USP49: variants seen among roughly 807,000 people sequenced by gnomAD.
The protein encoded by USP49 is ubiquitin carboxyl-terminal hydrolase 49.
Under a neutral mutation model 58.6 loss-of-function variants are expected in USP49, and 24 were observed. The ratio of observed to expected loss-of-function variants is 0.41; its 90% CI spans 0.30 to 0.58. USP49 has a LOEUF of 0.58. Among genes scored for constraint, USP49 ranks in the 20% least tolerant of loss-of-function variants. The pLI, the probability that USP49 is intolerant of heterozygous loss-of-function variation, is 0.30. For missense variants in USP49, 703 were observed against 866.1 expected (o/e 0.81, Z 2.36); for synonymous variants, 408 against 365.1 (o/e 1.12, Z -1.34).
intron 5 of USP49, among the ~76,000 whole-genome samples, chr6:41,802,456 A>ATTTTTTTTTTTT (rs1186521851): frequency 5.7e-5 from 4 of 70,274 alleles, no homozygotes; most frequent in African/African-American, 1.8e-4. Flanking sequence ...TTATTTATTT[A>ATTTTTTTTTTTT]TTTATTTATT....
intron 3 of USP49, among the ~76,000 whole-genome samples, chr6:41,854,651 G>A (rs980023319): frequency 3.9e-5 from 6 of 152,108 alleles, no homozygotes; most frequent in Admixed American, 3.3e-4. Context: ...TGTTAGTTTA[G>A]GTTGGTGTAT....
At chr6:41,824,305 T>TA (rs1326358872) in intron 3 of USP49, among the ~76,000 whole-genome samples, 4 of 152,118 alleles carry the variant, frequency 2.6e-5, no homozygotes, top group African/African-American at 4.8e-5. Flanking sequence ...ACTATCTTTT[T>TA]AAAGCAAATT....
At chr6:41,870,529 C>T (rs1223956241) in intron 3 of USP49, among the ~76,000 whole-genome samples, 1 of 151,676 alleles carries the variant, frequency 6.6e-6, no homozygotes, top group Non-Finnish European at 1.5e-5. Flanking sequence ...AAACCTTTTA[C>T]TGAGCTTTCT....
At chr6:41,841,149 G>T (rs1773820840) in intron 3 of USP49, among the ~76,000 whole-genome samples, 1 of 151,948 alleles carries the variant, frequency 6.6e-6, no homozygotes, top group Admixed American at 6.6e-5. Flanking sequence ...CTCATTGTCT[G>T]TCTCCCAAAC....
chr6:41,799,867 G>A lies in USP49; in HGVS notation c.1633C>T (p.Leu545=), dbSNP rs1443542281. ...AGGTGCAGCCGGAGAACCTGAGGTA[G>A]TCTGTAGATCATTAACTGCTTTCTA... The part of the protein sequence containing the change: ...EARKQLMIYR[L]PQVLRLHLKR... Residue 545 remains leucine (L), a synonymous_variant, in exon 6 of 8, where the codon CTA becomes TTA. Transcript: ENST00000682992. 1.9e-6 allele frequency: 3 copies of A among 1,614,144 alleles called. No individual in the cohort carries two copies. The South Asian group carries it at 3.3e-5, about 18-fold the overall frequency.
At chr6:41,832,894 T>C (rs1217765037) in intron 3 of USP49, 1 of 152,284 alleles carries the variant, frequency 6.6e-6, no homozygotes, top group African/African-American at 2.4e-5. Flanking sequence ...TTATTCCTGC[T>C]GGGTGTCCAA....
rs1561899416 is a variant in USP49, at chr6:41,792,524, T to G, written c.*4009A>C. 1 of 64,584 alleles carries G rather than the reference T, an allele frequency of 1.5e-5. No homozygotes were observed. The highest frequency in any genetic ancestry group is 6.2e-4 in the South Asian group (1 of 1,614). 4.0% of individuals were successfully genotyped at this position (64,584 alleles called of 1,614,324 possible). On this transcript the variant is annotated 3_prime_UTR_variant, in exon 8 of 8. Coordinates refer to ENST00000682992, the MANE Select transcript of USP49 (RefSeq NM_001286554.2). ...GATATAGTATTCATTTAAGAAGGGG[T>G]AGCCCCCCAGCCTGATTTAAAAAGG...
rs1032158111 is a variant in USP49 at position 41,794,404 on chromosome 6, T to C, written c.*2129A>G. Reference sequence around the variant, plus strand: ...AATGTTTATTAATAATTATCCCCACTGGACAGCCTGAGGGGTAAAGTAGAT... The same window carrying C: ...AATGTTTATTAATAATTATCCCCACCGGACAGCCTGAGGGGTAAAGTAGAT... On this transcript the variant is annotated 3_prime_UTR_variant, in exon 8 of 8. Transcript: ENST00000682992. The C allele has an allele frequency of 1.3e-5, 2 of 152,180 alleles. No homozygotes were observed. Among genetic ancestry groups the C allele is most frequent in the Non-Finnish European group, 2.9e-5 (2 of 67,976 alleles). The allele number at this position is 152,180 out of a possible 1,614,324, so 9.4% of individuals were successfully genotyped here. A position where few individuals can be genotyped will look rare whatever the true frequency, so the allele number is the denominator to read the frequency against.
At chr6:41,866,533 A>G (rs1394973416) in intron 3 of USP49, among the ~76,000 whole-genome samples, 1 of 152,224 alleles carries the variant, frequency 6.6e-6, no homozygotes, top group Non-Finnish European at 1.5e-5. Context: ...TACAAACAAC[A>G]TTCTGAGTTT....
intron 3 of USP49, among the ~76,000 whole-genome samples, chr6:41,819,907 T>C (rs1302288407): frequency 2.6e-5 from 4 of 152,200 alleles, no homozygotes; most frequent in African/African-American, 4.8e-5. Context: ...CATACTATCA[T>C]AGGCTGCAGT....
chr6:41,838,315 A>G (rs1448927663), intron 3 of USP49, among the ~76,000 whole-genome samples: 3 of 152,222 alleles, frequency 2.0e-5, no homozygotes, highest in African/African-American at 7.2e-5. Flanking sequence ...CCAGCATTTG[A>G]GAGAGCCAGC....
At chr6:41,863,241 A>C (rs940531554) in intron 3 of USP49, among the ~76,000 whole-genome samples, 1 of 152,122 alleles carries the variant, frequency 6.6e-6, no homozygotes, top group African/African-American at 2.4e-5. Context: ...AAAGCCTACT[A>C]ATTTGTATTC....
chr6:41,808,416 T>C lies in USP49; in HGVS notation c.-28-1405A>G, dbSNP rs1325305078. On this transcript the variant is annotated intron_variant, in intron 3 of 7. Transcript: ENST00000682992. ...GAAAGAAGCTATACAACTTTTTTTT[T>C]TTTTTTTTTTTTGAGATGGAGTCTC... Among the ~76,000 whole-genome samples, 5 of 149,422 alleles carry C rather than the reference T, an allele frequency of 3.3e-5. No homozygotes were observed. In the East Asian group the frequency reaches 9.8e-4, roughly 29 times the overall value.
chr6:41,790,739 T>A lies in USP49; in HGVS notation c.*5794A>T, dbSNP rs1174250163. On this transcript the variant is annotated 3_prime_UTR_variant, in exon 8 of 8. Transcript: ENST00000682992. ...AAGAAAATTGTTTGAGAATTAGATT[T>A]TTTTAGTATGTATATAAAAACAGCA... The A allele has an allele frequency of 6.6e-6, 1 of 152,232 alleles. No homozygotes were observed. The highest frequency in any genetic ancestry group is 2.4e-5 in the African/African-American group (1 of 41,452). 9.4% of individuals were successfully genotyped at this position (152,232 alleles called of 1,614,324 possible).
intron 3 of USP49, among the ~76,000 whole-genome samples, chr6:41,860,917 C>A (rs13219457): frequency 6.6e-6 from 1 of 151,720 alleles, no homozygotes; most frequent in Non-Finnish European, 1.5e-5. Context: ...GATTGTCTAG[C>A]TCAGGAGTTC....
chr6:41,823,809 T>C (rs1205421918), intron 3 of USP49, among the ~76,000 whole-genome samples: 2 of 151,952 alleles, frequency 1.3e-5, no homozygotes, highest in Non-Finnish European at 2.9e-5. Context: ...CCAACCTCTC[T>C]GAAGTGGGCA....
intron 2 of USP49, among the ~76,000 whole-genome samples, chr6:41,881,718 T>C (rs1049930390): frequency 2.6e-5 from 4 of 152,124 alleles, no homozygotes; most frequent in Admixed American, 6.5e-5. Flanking sequence ...CATATTATGA[T>C]GTCATTGGAG....
Position 41,858,653 on chromosome 6 carries a change from T to C in USP49, c.-29+12911A>G, listed in dbSNP as rs183894022. ...CATCTCAGAACTGTGCAATTCTGTT[T>C]TTTTTTTCTGCCTAGAATGCTCTTC... On this transcript the variant is annotated intron_variant, in intron 3 of 7. Transcript: ENST00000682992. Among the ~76,000 whole-genome samples the C allele has an allele frequency of 4.8e-3, 729 of 152,214 alleles. 5 individuals are homozygous for C. Among genetic ancestry groups the C allele is most frequent in the African/African-American group, 0.017 (685 of 41,500 alleles).
At chr6:41,810,591 G>C (rs924872646) in intron 3 of USP49, among the ~76,000 whole-genome samples, 11 of 149,702 alleles carry the variant, frequency 7.3e-5, no homozygotes, top group African/African-American at 2.7e-4. Flanking sequence ...CTGTTGCCCA[G>C]GCTGGAGTGC....
Sources: allele counts gnomAD v4.1 joint callset (sites outside exome capture counted in the v4.1 genomes callset), GRCh38; gene constraint gnomAD v4.1.1; transcripts MANE v1.5; gene names NCBI Gene and HGNC (gene_info 2026-07-23, HGNC 2026-07-21).